LRRC34: variants seen among roughly 807,000 people sequenced by gnomAD.
LRRC34 encodes the protein leucine-rich repeat-containing protein 34.
LRRC34 carries 44 observed loss-of-function variants against 48.5 expected under a neutral mutation model. That is an observed-to-expected ratio of 0.91 (90% confidence interval 0.71 to 1.17). The LOEUF is 1.17. LRRC34 is among the 50% of genes most tolerant of loss of function. The pLI, the probability that LRRC34 is intolerant of heterozygous loss-of-function variation, is 0.00. For synonymous variants in LRRC34, 192 were observed against 197.6 expected, an observed-to-expected ratio of 0.97 and a Z score of 0.24; for missense variants, 502 against 563.0, an observed-to-expected ratio of 0.89 and a Z score of 1.10.
rs1778971373 is a variant in LRRC34, at chr3:169,795,959, A to G, written c.1064+255T>C. 5.0e-6 allele frequency: 6 copies of G among 1,192,874 alleles called. No homozygotes were observed. The African/African-American group carries it at 9.5e-5, about 19-fold the overall frequency. 73.9% of individuals were successfully genotyped at this position (1,192,874 alleles called of 1,614,324 possible). ...ATTGAATGCTTCTGAGTTTTCTATT[A>G]GAATTCAGGATAAGTAATATAAGCA... On this transcript the variant is annotated intron_variant, in intron 9 of 10. Coordinates refer to ENST00000446859, the MANE Select transcript of LRRC34 (RefSeq NM_001172779.2).
chr3:169,793,685 G>A lies in LRRC34; in HGVS notation c.1345C>T (p.His449Tyr), dbSNP rs771634675. 1.2e-6 allele frequency: 2 copies of A among 1,613,616 alleles called. No individual in the cohort carries two copies. Among genetic ancestry groups the A allele is most frequent in the African/African-American group, 2.7e-5 (2 of 74,884 alleles). Residue 449 changes from histidine to tyrosine, a missense_variant, in exon 11 of 11, where the codon CAC becomes TAC. By Grantham distance (83) the His-to-Tyr change is moderately conservative. Coordinates refer to ENST00000446859, the MANE Select transcript of LRRC34 (RefSeq NM_001172779.2). ...AGAGCAAAACCTGCATTAGATGAGTGGTCATAAGATTCTCCATAAGTTGAT... is the reference window on the plus strand; with the variant it reads ...AGAGCAAAACCTGCATTAGATGAGTAGTCATAAGATTCTCCATAAGTTGAT... ...WTSTYGESYD[H>Y]SSNAGFALVP...
At chr3:169,808,964 G>A (rs1053211063) in intron 1 of LRRC34, among the ~76,000 whole-genome samples, 5 of 152,140 alleles carry the variant, frequency 3.3e-5, no homozygotes, top group Non-Finnish European at 5.9e-5. Context: ...GGCCATTGAA[G>A]CACCCATTGA....
At chr3:169,804,781 C>A (rs1779317498) in intron 5 of LRRC34, among the ~76,000 whole-genome samples, 3 of 152,224 alleles carry the variant, frequency 2.0e-5, no homozygotes, top group Non-Finnish European at 4.4e-5. Context: ...TATAGCACTT[C>A]ACTTTTTTAA....
At chr3:169,799,141 G>A (rs1332794925) in intron 7 of LRRC34, among the ~76,000 whole-genome samples, 3 of 152,086 alleles carry the variant, frequency 2.0e-5, no homozygotes, top group East Asian at 1.9e-4. Flanking sequence ...TTGGATTTAC[G>A]TACATGAAAC....
rs190985770 is a variant in LRRC34 at position 169,794,213 on chromosome 3, G to A, written c.1192-375C>T. On this transcript the variant is annotated intron_variant, in intron 10 of 10. Coordinates refer to ENST00000446859, the MANE Select transcript of LRRC34 (RefSeq NM_001172779.2). ...AATAGGTAGGGGGGCTCGGTAGGAG[G>A]CCTATTGTATACATTCTCAAAAATC... 107 of 175,884 alleles carry A rather than the reference G, an allele frequency of 6.1e-4. 1 individual carries two copies. In the East Asian group the frequency reaches 0.014, roughly 24 times the overall value. 10.9% of individuals were successfully genotyped at this position (175,884 alleles called of 1,614,324 possible).
intron 4 of LRRC34, 115 bp downstream of exon 4, chr3:169,807,311 T>TA: frequency 1.0e-6 from 1 of 1,004,228 alleles, no homozygotes. Flanking sequence ...TCGAGTGTTC[T>TA]AGCACAGAGT....
At chr3:169,795,799 T>G in intron 9 of LRRC34, 188 bp from the exon 10 acceptor site, 2 of 1,266,304 alleles carry the variant, frequency 1.6e-6, no homozygotes, top group Non-Finnish European at 2.0e-6. Context: ...TTAGTAGAGC[T>G]AACTACATTT....
At chr3:169,802,978 C>A (rs528856121) in intron 6 of LRRC34, among the ~76,000 whole-genome samples, 136 of 136,496 alleles carry the variant, frequency 1.0e-3, no homozygotes, top group African/African-American at 2.7e-3. Context: ...ACTCTGTCTC[C>A]AAAAAAAAAA....
Position 169,795,542 on chromosome 3 carries a change from A to C in LRRC34, c.1134T>G (p.Asn378Lys), listed in dbSNP as rs753367408. ...LVALSQSMKT[N>K]LTFSHIYIWG... The stretch of plus-strand genomic sequence containing the variant: ...AAATGTAGATATGAGAGAAAGTGAG[A>C]TTTGTTTTCATTGATTGTGAAAGTG... The change falls in exon 10 of 11, where the codon AAT becomes AAG. Residue 378 changes from asparagine to lysine, a missense_variant. By Grantham distance (94) the Asn-to-Lys change is moderately conservative. Coordinates refer to ENST00000446859, the MANE Select transcript of LRRC34 (RefSeq NM_001172779.2). The C allele has an allele frequency of 1.2e-6, 2 of 1,612,766 alleles. No individual in the cohort carries two copies. The highest frequency in any genetic ancestry group is 2.2e-5 in the South Asian group (2 of 91,012).
chr3:169,812,627 C>A lies in LRRC34; in HGVS notation c.-79G>T. On this transcript the variant is annotated 5_prime_UTR_variant, in exon 1 of 11. Coordinates refer to ENST00000446859, the MANE Select transcript of LRRC34 (RefSeq NM_001172779.2). The surrounding 1 kb of genome is among the most constrained non-coding windows in gnomAD (Gnocchi z 4.3). ...GCCTCGGCGCCAGCCTGCTTCGAGT[C>A]CCGCTGGCTGTGCCTGCCCGGGCCC... The A allele has an allele frequency of 7.1e-7, 1 of 1,404,530 alleles. No individual in the cohort carries two copies. Among genetic ancestry groups the A allele is most frequent in the South Asian group, 1.6e-5 (1 of 64,332 alleles). 87.0% of individuals were successfully genotyped at this position (1,404,530 alleles called of 1,614,324 possible). A position where few individuals can be genotyped will look rare whatever the true frequency, so the allele number is the denominator to read the frequency against.
In LRRC34 at chr3:169,807,605, T is replaced by G. The variant is rs1390449801; in HGVS notation, c.362A>C (p.Asn121Thr). The part of the protein sequence containing the change: ...DFWILSKILK[N>T]CLYINGLDVG... The stretch of plus-strand genomic sequence containing the variant: ...AAACATACCATTAATATACAGACAA[T>G]TCTTTAAAATTTTGGAAAGAATCCA... Residue 121 changes from asparagine (N) to threonine (T), a missense_variant, in exon 3 of 11, where the codon AAT becomes ACT. Transcript: ENST00000446859. 2 of 1,611,328 alleles carry G rather than the reference T, an allele frequency of 1.2e-6. No homozygotes were observed. Among genetic ancestry groups the G allele is most frequent in the African/African-American group, 2.7e-5 (2 of 74,728 alleles).
chr3:169,801,812 T>TA (rs1158173598), intron 6 of LRRC34, among the ~76,000 whole-genome samples: 1 of 152,196 alleles, frequency 6.6e-6, no homozygotes, highest in Non-Finnish European at 1.5e-5. Flanking sequence ...CTATTTTTGT[T>TA]TTTATTTATT....
At chr3:169,798,964 C>T (rs886888082) in intron 7 of LRRC34, among the ~76,000 whole-genome samples, 2 of 152,156 alleles carry the variant, frequency 1.3e-5, no homozygotes, top group African/African-American at 2.4e-5. Context: ...TCTAGCACCT[C>T]GCTAGCATTG....
chr3:169,807,300 T>C, intron 4 of LRRC34, 126 bp downstream of exon 4: 1 of 889,232 alleles, frequency 1.1e-6, no homozygotes, highest in Non-Finnish European at 1.8e-6. Context: ...TCCAGTATAT[T>C]TCGAGTGTTC....
At chr3:169,797,624 T>C (rs935995562) in intron 7 of LRRC34, among the ~76,000 whole-genome samples, 1 of 152,232 alleles carries the variant, frequency 6.6e-6, no homozygotes, top group African/African-American at 2.4e-5. Context: ...CTTGCATGAT[T>C]GCTGTATAAC....
chr3:169,800,859 A>G (rs953915284), intron 6 of LRRC34, 105 bp from the exon 7 acceptor site: 2 of 726,404 alleles, frequency 2.8e-6, no homozygotes, highest in Non-Finnish European at 4.4e-6. Context: ...ATTGTTTTTA[A>G]AATTTAAGCA....
intron 6 of LRRC34, among the ~76,000 whole-genome samples, chr3:169,801,372 T>C (rs910041733): frequency 5.3e-5 from 8 of 152,104 alleles, no homozygotes; most frequent in African/African-American, 1.9e-4. Flanking sequence ...CTCAAATTAG[T>C]CTGTTCCTGT....
Position 169,808,627 on chromosome 3 carries a change from C to T in LRRC34, c.257+1G>A. The T allele has an allele frequency of 7.2e-7, 1 of 1,397,070 alleles. No homozygotes were observed. Among genetic ancestry groups the T allele is most frequent in the Non-Finnish European group, 1.0e-6 (1 of 998,422 alleles). The allele number at this position is 1,397,070 out of a possible 1,614,324, so 86.5% of individuals were successfully genotyped here. A position where few individuals can be genotyped will look rare whatever the true frequency, so the allele number is the denominator to read the frequency against. On this transcript the variant is annotated splice_donor_variant, in intron 2 of 10. Coordinates refer to ENST00000446859, the MANE Select transcript of LRRC34 (RefSeq NM_001172779.2). LOFTEE classifies it high-confidence loss of function. ...TGTAATCAAGTATTTGTCTTTCTTA[C>T]CCCTTTTTAATTTCTTCATCCACTT...
In LRRC34 at chr3:169,807,481, A is replaced by G. The variant is rs750780686; in HGVS notation, c.389T>C (p.Val130Ala). 17 of 1,614,038 alleles carry G rather than the reference A, an allele frequency of 1.1e-5. No homozygotes were observed. Among genetic ancestry groups the G allele is most frequent in the South Asian group, 4.4e-5 (4 of 91,084 alleles). ...KNCLYINGLD[V>A]GYNLLCDVGA... is the part of the protein sequence containing the mutation. ...AACATCACATAGAAGGTTATATCCA[A>G]CATCCAAACCTGAAGCACAGATGAA... is the stretch of plus-strand genomic sequence containing the variant. The change falls in exon 4 of 11, where the codon GTT becomes GCT. Residue 130 changes from valine to alanine, a missense_variant. Val to Ala is a moderately conservative substitution (Grantham distance 64, BLOSUM62 0). Transcript: ENST00000446859.
Sources: gnomAD v4.1 joint callset for allele counts (sites outside exome capture counted in the v4.1 genomes callset) on GRCh38, gnomAD v4.1.1 for gene constraint, Gnocchi (gnomAD v3.1) non-coding constraint, MANE v1.5 for transcripts, NCBI Gene and HGNC (gene_info 2026-07-23, HGNC 2026-07-21) for gene names.